Variants in STXBP5L observed in about 807,000 individuals in gnomAD.
STXBP5L encodes the protein syntaxin-binding protein 5-like.
In STXBP5L, 65 loss-of-function variants were observed where a neutral mutation model predicts 144.5. The observed-to-expected ratio is 0.45, with a 90% CI of 0.37 to 0.55. The LOEUF is 0.55. Among genes scored for constraint, STXBP5L ranks in the 20% least tolerant of loss-of-function variants. STXBP5L has a pLI of 0.00. For missense variants in STXBP5L, 1,298 were observed against 1,405.5 expected, an observed-to-expected ratio of 0.92 and a Z score of 1.22; for synonymous variants, 505 against 469.6, an observed-to-expected ratio of 1.08 and a Z score of -0.97.
Position 121,381,513 on chromosome 3 carries a change from A to G in STXBP5L, c.2568A>G (p.Pro856=), listed in dbSNP as rs749159166. ...CAGATGAACAAAGGTTTACAGAGCC[A>G]GTCATGGTATTGCCAAGTGGTAAGA... is the stretch of plus-strand genomic sequence containing the variant. The part of the protein sequence containing the change: ...PLADEQRFTE[P]VMVLPSGTFL... The change falls in exon 22 of 27, where the codon CCA becomes CCG. Residue 856 remains proline, a synonymous_variant. Transcript: ENST00000471454. 5 of 1,592,746 alleles carry G rather than the reference A, an allele frequency of 3.1e-6. No individual in the cohort carries two copies. The East Asian group carries it at 1.1e-4, about 36-fold the overall frequency.
chr3:121,366,942 C>T (rs2045880700), intron 20 of STXBP5L, among the ~76,000 whole-genome samples: 1 of 152,046 alleles, frequency 6.6e-6, no homozygotes, highest in Non-Finnish European at 1.5e-5. Flanking sequence ...TACCATTTGG[C>T]TTACATTTAA....
At chr3:120,971,691 A>G (rs1337184576) in intron 3 of STXBP5L, among the ~76,000 whole-genome samples, 4 of 151,548 alleles carry the variant, frequency 2.6e-5, no homozygotes, top group Admixed American at 2.0e-4. Flanking sequence ...ACACACATAT[A>G]TAAGCACCAT....
chr3:121,025,801 T>C lies in STXBP5L; in HGVS notation c.288-15899T>C, dbSNP rs183533957. On this transcript the variant is annotated intron_variant, in intron 3 of 26. Coordinates refer to ENST00000471454, the MANE Select transcript of STXBP5L (RefSeq NM_001308330.2). ...TCCTACTAAAACCAGCCTTACTGCCTCTGTTTTTGAATCCCTCTAGAGCAT... is the reference window on the plus strand; with the variant it reads ...TCCTACTAAAACCAGCCTTACTGCCCCTGTTTTTGAATCCCTCTAGAGCAT... 3.9e-3 allele frequency among the ~76,000 whole-genome samples: 589 copies of C among 150,536 alleles called. 6 individuals are homozygous for C. Among genetic ancestry groups the C allele is most frequent in the African/African-American group, 8.3e-3 (343 of 41,262 alleles).
intron 22 of STXBP5L, among the ~76,000 whole-genome samples, chr3:121,397,056 G>T (rs999661745): frequency 6.6e-6 from 1 of 152,228 alleles, no homozygotes; most frequent in Admixed American, 6.5e-5. Context: ...AGGGTGTCTG[G>T]AAAACTTTAC....
intron 22 of STXBP5L, among the ~76,000 whole-genome samples, chr3:121,383,778 C>T (rs377307642): frequency 1.3e-5 from 2 of 152,074 alleles, no homozygotes; most frequent in Non-Finnish European, 2.9e-5. Context: ...CTAACTGTCC[C>T]GGTCTTCACT....
rs570005076 is a variant in STXBP5L at position 121,084,162 on chromosome 3, G to A, written c.471-30763G>A. Among the ~76,000 whole-genome samples the A allele has an allele frequency of 1.7e-4, 26 of 152,114 alleles. 1 individual carries two copies. The highest frequency in any genetic ancestry group is 8.5e-4 in the Admixed American group (13 of 15,272). ...TTTCTTTTTCTAGGTTGTTGAGACA[G>A]GAGGTAAGTTACTGGTTTGAGACTT... On this transcript the variant is annotated intron_variant, in intron 5 of 26. Coordinates refer to ENST00000471454, the MANE Select transcript of STXBP5L (RefSeq NM_001308330.2).
chr3:120,934,486 A>C (rs1357819567), intron 2 of STXBP5L, among the ~76,000 whole-genome samples: 1 of 152,076 alleles, frequency 6.6e-6, no homozygotes, highest in East Asian at 1.9e-4. Context: ...TGGATAAAAT[A>C]TTCTATAAAT....
At chr3:121,097,841 T>C (rs1161460534) in intron 5 of STXBP5L, among the ~76,000 whole-genome samples, 5 of 152,340 alleles carry the variant, frequency 3.3e-5, no homozygotes, top group Admixed American at 6.5e-5. Flanking sequence ...AAATGTGATC[T>C]AATACAATGG....
chr3:121,403,312 G>A (rs2046925576), intron 22 of STXBP5L, among the ~76,000 whole-genome samples: 1 of 152,132 alleles, frequency 6.6e-6, no homozygotes, highest in African/African-American at 2.4e-5. Context: ...TAGTCTGGAT[G>A]AAAAATGGAT....
intron 20 of STXBP5L, among the ~76,000 whole-genome samples, chr3:121,374,119 C>T (rs1194779507): frequency 1.3e-5 from 2 of 152,112 alleles, no homozygotes; most frequent in Non-Finnish European, 2.9e-5. Flanking sequence ...TTGGCACCTC[C>T]ATCCCCAGCA....
Position 121,064,422 on chromosome 3 carries a change from T to C in STXBP5L, c.470+18887T>C, listed in dbSNP as rs539467505. Among the ~76,000 whole-genome samples, 3 of 152,350 alleles carry C rather than the reference T, an allele frequency of 2.0e-5. No homozygotes were observed. In the South Asian group the frequency reaches 6.2e-4, roughly 32 times the overall value. On this transcript the variant is annotated intron_variant, in intron 5 of 26. Coordinates refer to ENST00000471454, the MANE Select transcript of STXBP5L (RefSeq NM_001308330.2). Reference sequence around the variant, plus strand: ...GACCGGAGCTGTTCCTATTTGGCCATCTTGCCAGCCGCTCTTGCATTTCTG... The same window carrying C: ...GACCGGAGCTGTTCCTATTTGGCCACCTTGCCAGCCGCTCTTGCATTTCTG...
intron 20 of STXBP5L, among the ~76,000 whole-genome samples, chr3:121,359,796 A>G (rs1364229225): frequency 1.3e-5 from 2 of 151,632 alleles, no homozygotes; most frequent in African/African-American, 4.8e-5. Flanking sequence ...ATTCTGTCCC[A>G]TTGGTCAATA....
rs572792116 is a variant in STXBP5L at position 120,974,762 on chromosome 3, GC to G, written c.287+19726del. ...ATCCAGTTTCAGCTTTCTACATATG[GC>G]TAGCCAGTTTTCCCAGCACCATTTA... On this transcript the variant is annotated intron_variant, in intron 3 of 26. Transcript: ENST00000471454. Among the ~76,000 whole-genome samples, 48 of 152,144 alleles carry G rather than the reference GC, an allele frequency of 3.2e-4. No individual in the cohort carries two copies. In the South Asian group the frequency reaches 9.8e-3, roughly 31 times the overall value.
intron 20 of STXBP5L, among the ~76,000 whole-genome samples, chr3:121,362,337 A>G (rs1348088367): frequency 1.3e-5 from 2 of 152,214 alleles, no homozygotes; most frequent in Admixed American, 6.5e-5. Context: ...ATCTGCAAGT[A>G]GCAAAGCCAG....
In STXBP5L at chr3:120,977,913, T is replaced by C. The variant is rs536990313; in HGVS notation, c.287+22876T>C. Among the ~76,000 whole-genome samples the C allele has an allele frequency of 1.2e-4, 19 of 152,380 alleles. No individual in the cohort carries two copies. In the East Asian group the frequency reaches 3.5e-3, roughly 28 times the overall value. ...CTTGCAGATTTTCTGCCAAGAGATC[T>C]GCTGTTAGTCTGATGGGCTTCCCTT... is the stretch of plus-strand genomic sequence containing the variant. On this transcript the variant is annotated intron_variant, in intron 3 of 26. Transcript: ENST00000471454.
chr3:121,287,528 C>T (rs956802223), intron 19 of STXBP5L, among the ~76,000 whole-genome samples: 4 of 152,046 alleles, frequency 2.6e-5, no homozygotes, highest in South Asian at 2.1e-4. Context: ...ACAACAGATA[C>T]GAAAGACCCA....
chr3:120,909,553 CT>C lies in STXBP5L; in HGVS notation c.-8-15del. 1 of 1,592,484 alleles carries C rather than the reference CT, an allele frequency of 6.3e-7. No individual in the cohort carries two copies. The highest frequency in any genetic ancestry group is 1.1e-5 in the South Asian group (1 of 87,260). Reference sequence around the variant, plus strand: ...TAAGTCACCTCTTTCCCTTTTTTTCCTTTGTATTTCTCAACAGTGTTTAAAA... The same window carrying C: ...TAAGTCACCTCTTTCCCTTTTTTTCCTTGTATTTCTCAACAGTGTTTAAAA... On this transcript the variant is annotated splice_polypyrimidine_tract_variant and intron_variant, in intron 1 of 26. Coordinates refer to ENST00000471454, the MANE Select transcript of STXBP5L (RefSeq NM_001308330.2).
At chr3:121,125,564 A>C (rs567097294) in intron 7 of STXBP5L, among the ~76,000 whole-genome samples, 4 of 152,138 alleles carry the variant, frequency 2.6e-5, no homozygotes, top group Admixed American at 6.6e-5. Context: ...TGGTCTATCG[A>C]ATACAAAAGG....
chr3:121,150,137 C>T (rs979580662), intron 7 of STXBP5L, among the ~76,000 whole-genome samples: 3 of 152,032 alleles, frequency 2.0e-5, no homozygotes, highest in African/African-American at 7.2e-5. Context: ...ATAATATCTA[C>T]AATTTTGATT....
Sources: allele counts gnomAD v4.1 joint callset (sites outside exome capture counted in the v4.1 genomes callset), GRCh38; gene constraint gnomAD v4.1.1; transcripts MANE v1.5; gene names NCBI Gene and HGNC (gene_info 2026-07-23, HGNC 2026-07-21).